SPOCK1: variants seen among roughly 807,000 people sequenced by gnomAD.
SPOCK1 encodes testican-1.
A neutral mutation model predicts 55.3 loss-of-function variants in SPOCK1; 23 were observed. The ratio of observed to expected loss-of-function variants is 0.42; its 90% CI spans 0.30 to 0.59. SPOCK1 has a LOEUF of 0.59. Among genes scored for constraint, SPOCK1 ranks in the 20% least tolerant of loss-of-function variants. The probability of loss-of-function intolerance (pLI) is 0.22; values close to 1 mark genes in which losing one functional copy is unlikely to be tolerated. For synonymous variants in SPOCK1, 226 were observed against 221.0 expected (o/e 1.02, Z -0.20); for missense variants, 499 against 552.5 (o/e 0.90, Z 0.97).
intron 6 of SPOCK1, among the ~76,000 whole-genome samples, chr5:137,031,075 A>AT (rs993049096): frequency 4.1e-4 from 62 of 152,256 alleles, no homozygotes; most frequent in African/African-American, 1.3e-3. Flanking sequence ...ATATTTTGTA[A>AT]TTTTTTTAAA....
intron 4 of SPOCK1, among the ~76,000 whole-genome samples, chr5:137,133,954 G>C (rs949086439): frequency 6.6e-6 from 1 of 151,708 alleles, no homozygotes; most frequent in Non-Finnish European, 1.5e-5. Flanking sequence ...AGATGGGCTG[G>C]GGGTGGGGGG....
chr5:137,133,956 G>T (rs1753930876), intron 4 of SPOCK1, among the ~76,000 whole-genome samples: 1 of 151,566 alleles, frequency 6.6e-6, no homozygotes, highest in South Asian at 2.1e-4. Flanking sequence ...ATGGGCTGGG[G>T]GTGGGGGGGG....
At chr5:137,146,329 C>T (rs1754192337) in intron 3 of SPOCK1, among the ~76,000 whole-genome samples, 1 of 152,130 alleles carries the variant, frequency 6.6e-6, no homozygotes, top group African/African-American at 2.4e-5. Flanking sequence ...AAAGATTAAT[C>T]TAAAACAGCA....
chr5:136,984,072 T>C (rs1471822076), intron 9 of SPOCK1, among the ~76,000 whole-genome samples: 3 of 151,892 alleles, frequency 2.0e-5, no homozygotes, highest in Non-Finnish European at 4.4e-5. Flanking sequence ...CACTAGAAAA[T>C]CCTATGGAGG....
intron 5 of SPOCK1, among the ~76,000 whole-genome samples, chr5:137,112,071 C>A (rs1373281646): frequency 6.6e-6 from 1 of 152,134 alleles, no homozygotes; most frequent in African/African-American, 2.4e-5. Flanking sequence ...CACAAGGCAG[C>A]ATCACGACCC....
chr5:137,311,651 T>C (rs1757791479), intron 2 of SPOCK1, among the ~76,000 whole-genome samples: 1 of 152,230 alleles, frequency 6.6e-6, no homozygotes, highest in African/African-American at 2.4e-5. Flanking sequence ...TTGACTTTTC[T>C]CCTTTTGATA....
At chr5:137,136,634 T>C (rs1187256746) in intron 4 of SPOCK1, among the ~76,000 whole-genome samples, 1 of 152,218 alleles carries the variant, frequency 6.6e-6, no homozygotes, top group African/African-American at 2.4e-5. Context: ...TGTTTCTTTT[T>C]TTCTCTACTT....
In SPOCK1 at chr5:137,048,322, TC is replaced by T. The variant is rs1326193957; in HGVS notation, c.589+19392del. Among the ~76,000 whole-genome samples the T allele has an allele frequency of 3.5e-5, 4 of 113,156 alleles. No homozygotes were observed. In the East Asian group the frequency reaches 1.1e-3, roughly 30 times the overall value. The allele number at this position is 113,156 out of a possible 152,430, so 74.2% of individuals were successfully genotyped here. Reference sequence around the variant, plus strand: ...GGACTTGCTTTATGAATCTGGCTGCTCCTGTATTGGGTGCATAAATATTTAG... The same window carrying T: ...GGACTTGCTTTATGAATCTGGCTGCTCTGTATTGGGTGCATAAATATTTAG... On this transcript the variant is annotated intron_variant, in intron 6 of 10. Coordinates refer to ENST00000394945, the MANE Select transcript of SPOCK1 (RefSeq NM_004598.4).
chr5:137,280,554 T>C (rs1404579309), intron 2 of SPOCK1, among the ~76,000 whole-genome samples: 7 of 152,232 alleles, frequency 4.6e-5, no homozygotes, highest in Non-Finnish European at 1.0e-4. Flanking sequence ...GGACCTAACA[T>C]GAACACAAAC....
chr5:137,374,217 C>A (rs1055525628), intron 2 of SPOCK1, among the ~76,000 whole-genome samples: 3 of 152,258 alleles, frequency 2.0e-5, no homozygotes, highest in African/African-American at 7.2e-5. Flanking sequence ...ACCAATTTGG[C>A]TGGAAGCCAG....
At chr5:137,455,698 T>C (rs903832134) in intron 2 of SPOCK1, among the ~76,000 whole-genome samples, 18 of 152,078 alleles carry the variant, frequency 1.2e-4, no homozygotes, top group Admixed American at 1.2e-3. Context: ...ATGGAATCAT[T>C]CCTTCCTGTC....
chr5:137,241,828 G>A (rs1756288753), intron 3 of SPOCK1, among the ~76,000 whole-genome samples: 1 of 152,126 alleles, frequency 6.6e-6, no homozygotes, highest in African/African-American at 2.4e-5. Context: ...AAGAGACTAA[G>A]ACATTGACCA....
At chr5:137,260,269 ATAGCAAAAC>A (rs1294196451) in intron 3 of SPOCK1, among the ~76,000 whole-genome samples, 1 of 152,214 alleles carries the variant, frequency 6.6e-6, no homozygotes, top group Non-Finnish European at 1.5e-5. Context: ...AGCAGCCCCA[ATAGCAAAAC>A]AGATGGAGTC....
Position 136,976,276 on chromosome 5 carries a change from T to C in SPOCK1, c.*2378A>G, listed in dbSNP as rs565886563. ...AATCTGAGGAGGGCTTTTTATTTAA[T>C]GTTTTAATGAATCAAAATATCTTCT... On this transcript the variant is annotated 3_prime_UTR_variant, in exon 11 of 11. Transcript: ENST00000394945. The C allele has an allele frequency of 1.3e-5, 2 of 152,492 alleles. No homozygotes were observed. The allele number at this position is 152,492 out of a possible 1,614,324, so 9.4% of individuals were successfully genotyped here.
At chr5:137,229,730 G>A (rs1322670908) in intron 3 of SPOCK1, among the ~76,000 whole-genome samples, 1 of 152,170 alleles carries the variant, frequency 6.6e-6, no homozygotes, top group African/African-American at 2.4e-5. Flanking sequence ...GGTGGGGTTG[G>A]GGGAAGGGGG....
intron 3 of SPOCK1, among the ~76,000 whole-genome samples, chr5:137,234,438 T>G (rs1213496199): frequency 6.6e-6 from 1 of 152,188 alleles, no homozygotes; most frequent in Non-Finnish European, 1.5e-5. Context: ...CCAAACCAGC[T>G]CACCTTCTTA....
intron 4 of SPOCK1, among the ~76,000 whole-genome samples, chr5:137,124,613 C>T (rs1701078550): frequency 1.3e-5 from 2 of 152,180 alleles, no homozygotes; most frequent in South Asian, 2.1e-4. Context: ...AGGCCCTCAT[C>T]GAGACAGTCA....
intron 2 of SPOCK1, among the ~76,000 whole-genome samples, chr5:137,401,059 CT>C (rs970544467): frequency 2.6e-5 from 4 of 151,886 alleles, no homozygotes; most frequent in African/African-American, 9.7e-5. Flanking sequence ...TCAACAGGGG[CT>C]ATCAAGCATC....
intron 3 of SPOCK1, among the ~76,000 whole-genome samples, chr5:137,194,066 C>A (rs1755243363): frequency 6.6e-6 from 1 of 152,166 alleles, no homozygotes. Context: ...CAGCTTCTTC[C>A]CTTCGCCCTA....
Sources: gnomAD v4.1 joint callset for allele counts (sites outside exome capture counted in the v4.1 genomes callset) on GRCh38, gnomAD v4.1.1 for gene constraint, MANE v1.5 for transcripts, NCBI Gene and HGNC (gene_info 2026-07-23, HGNC 2026-07-21) for gene names.